Variants in ANKS1B observed in about 807,000 individuals in gnomAD.
ANKS1B encodes the protein ankyrin repeat and sterile alpha motif domain-containing protein 1B.
ANKS1B carries 36 observed loss-of-function variants against 148.3 expected under a neutral mutation model. The ratio of observed to expected loss-of-function variants is 0.24; its 90% CI spans 0.19 to 0.32. The LOEUF (loss-of-function observed/expected upper bound fraction) is 0.32, where lower values mean the gene tolerates loss of function less well. Ranked by LOEUF, ANKS1B falls within the 10% of genes least tolerant of loss-of-function variation. The probability of loss-of-function intolerance (pLI) is 1.00; values close to 1 mark genes in which losing one functional copy is unlikely to be tolerated. For synonymous variants in ANKS1B, 542 were observed against 560.8 expected, an observed-to-expected ratio of 0.97 and a Z score of 0.47; for missense variants, 1,157 against 1,542.6, an observed-to-expected ratio of 0.75 and a Z score of 4.19.
chr12:99,966,009 A>G (rs1326836555), intron 1 of ANKS1B, among the ~76,000 whole-genome samples: 1 of 152,224 alleles, frequency 6.6e-6, no homozygotes, highest in East Asian at 1.9e-4. Flanking sequence ...ATCTTATAAA[A>G]TAACTGGCTT....
At chr12:99,734,465 T>C (rs1432674584) in intron 8 of ANKS1B, among the ~76,000 whole-genome samples, 1 of 152,132 alleles carries the variant, frequency 6.6e-6, no homozygotes, top group African/African-American at 2.4e-5. Context: ...GGCTAATTTT[T>C]GTATTTTTAG....
At chr12:99,223,836 C>T in intron 14 of ANKS1B, among the ~76,000 whole-genome samples, 1 of 152,320 alleles carries the variant, frequency 6.6e-6, no homozygotes, top group African/African-American at 2.4e-5. Context: ...TTACTGCCTA[C>T]TTTATCAAAC....
At chr12:99,543,562 G>A (rs1332214330) in intron 9 of ANKS1B, among the ~76,000 whole-genome samples, 1 of 152,012 alleles carries the variant, frequency 6.6e-6, no homozygotes, top group African/African-American at 2.4e-5. Flanking sequence ...GTCAAAAAGG[G>A]TGAACAACCC....
At chr12:98,982,679 C>T (rs904872634) in intron 17 of ANKS1B, among the ~76,000 whole-genome samples, 1 of 152,184 alleles carries the variant, frequency 6.6e-6, no homozygotes, top group Non-Finnish European at 1.5e-5. Flanking sequence ...TTCAATTTTT[C>T]ATACCACATT....
chr12:99,442,331 A>G (rs1173299021), intron 11 of ANKS1B, among the ~76,000 whole-genome samples: 9 of 151,832 alleles, frequency 5.9e-5, no homozygotes, highest in Admixed American at 5.9e-4. Context: ...TGCCTGGCAG[A>G]AGACGACATT....
At chr12:99,983,094 T>C (rs2095729928) in intron 1 of ANKS1B, among the ~76,000 whole-genome samples, 1 of 152,216 alleles carries the variant, frequency 6.6e-6, no homozygotes, top group Non-Finnish European at 1.5e-5. Context: ...ACAACTATAG[T>C]TGGGTTATCC....
At chr12:99,453,309 GA>G (rs949254532) in intron 10 of ANKS1B, among the ~76,000 whole-genome samples, 1 of 149,908 alleles carries the variant, frequency 6.7e-6, no homozygotes, top group Non-Finnish European at 1.5e-5. Context: ...GAATAAAAAA[GA>G]AAAAAAAAGA....
intron 1 of ANKS1B, among the ~76,000 whole-genome samples, chr12:99,878,551 CT>C (rs942021973): frequency 4.6e-5 from 7 of 152,158 alleles, no homozygotes; most frequent in Non-Finnish European, 8.8e-5. Context: ...TAGTTTTATC[CT>C]TTTTGTTTTT....
chr12:99,927,339 T>G (rs749829362), intron 1 of ANKS1B, among the ~76,000 whole-genome samples: 8 of 152,210 alleles, frequency 5.3e-5, no homozygotes, highest in Non-Finnish European at 1.2e-4. Flanking sequence ...TCCTACTGCA[T>G]GTAAATCATT....
chr12:99,169,616 G>C (rs73140966), intron 14 of ANKS1B, among the ~76,000 whole-genome samples: 10,795 of 152,168 alleles, frequency 0.071, 530 homozygotes, highest in South Asian at 0.11. Context: ...CTATGGGTCT[G>C]GCCTTTTATA....
At chr12:99,190,908 A>G (rs2080583141) in intron 14 of ANKS1B, among the ~76,000 whole-genome samples, 2 of 152,192 alleles carry the variant, frequency 1.3e-5, no homozygotes, top group Admixed American at 1.3e-4. Flanking sequence ...TGAACAGGCA[A>G]CCTACAGAAT....
At chr12:99,361,209 TG>T (rs1371082231) in intron 12 of ANKS1B, among the ~76,000 whole-genome samples, 1 of 152,122 alleles carries the variant, frequency 6.6e-6, no homozygotes, top group Non-Finnish European at 1.5e-5. Context: ...ATTGCATGAC[TG>T]TATCAAAGCA....
intron 9 of ANKS1B, among the ~76,000 whole-genome samples, chr12:99,520,157 T>C (rs2096861304): frequency 6.6e-6 from 1 of 152,192 alleles, no homozygotes; most frequent in South Asian, 2.1e-4. Context: ...TGCTTATTAT[T>C]GCCAGTAACT....
intron 9 of ANKS1B, among the ~76,000 whole-genome samples, chr12:99,514,520 C>T (rs146200334): frequency 1.3e-5 from 2 of 151,966 alleles, no homozygotes; most frequent in African/African-American, 4.8e-5. Context: ...CTCATTTAGC[C>T]CTCACAACAA....
At chr12:99,608,275 C>A (rs955120558) in intron 9 of ANKS1B, among the ~76,000 whole-genome samples, 1 of 151,996 alleles carries the variant, frequency 6.6e-6, no homozygotes, top group Admixed American at 6.6e-5. Context: ...CTTTCAAGTG[C>A]GCAAACCATG....
At chr12:99,742,785 C>T (rs2060246486) in intron 8 of ANKS1B, among the ~76,000 whole-genome samples, 1 of 146,864 alleles carries the variant, frequency 6.8e-6, no homozygotes, top group Admixed American at 6.9e-5. Context: ...TTGCAGTGAG[C>T]CAAGATCGCA....
chr12:99,658,210 T>A (rs2098459545), intron 8 of ANKS1B, among the ~76,000 whole-genome samples: 1 of 152,082 alleles, frequency 6.6e-6, no homozygotes, highest in South Asian at 2.1e-4. Flanking sequence ...AAGTTCCAAA[T>A]ACCCGCCTCA....
At chr12:98,763,631 G>A (rs892698709) in intron 25 of ANKS1B, among the ~76,000 whole-genome samples, 6 of 151,910 alleles carry the variant, frequency 3.9e-5, no homozygotes, top group African/African-American at 1.2e-4. Flanking sequence ...CTAACATCTT[G>A]GTGCATTTTC....
At chr12:98,747,611 T>C (rs1431693738) in intron 26 of ANKS1B, among the ~76,000 whole-genome samples, 1 of 152,162 alleles carries the variant, frequency 6.6e-6, no homozygotes, top group Non-Finnish European at 1.5e-5. Flanking sequence ...TGCGTATATA[T>C]ACAAAAGAAA....
Sources: allele counts gnomAD v4.1 joint callset (sites outside exome capture counted in the v4.1 genomes callset), GRCh38; gene constraint gnomAD v4.1.1; transcripts MANE v1.5; gene names NCBI Gene and HGNC (gene_info 2026-07-23, HGNC 2026-07-21).